The following AKAP7 variants were observed in gnomAD, a reference collection of about 807,000 sequenced individuals.
The protein encoded by AKAP7 is A-kinase anchoring protein 7.
AKAP7 carries 39 observed loss-of-function variants against 39.5 expected under a neutral mutation model. The ratio of observed to expected loss-of-function variants is 0.99; its 90% CI spans 0.76 to 1.29. The LOEUF (loss-of-function observed/expected upper bound fraction) is 1.29, where lower values mean the gene tolerates loss of function less well. AKAP7 is among the 50% of genes most tolerant of loss of function. AKAP7 has a pLI of 0.00. For synonymous variants in AKAP7, 140 were observed against 139.1 expected (o/e 1.01, Z -0.05); for missense variants, 414 against 407.7 (o/e 1.02, Z -0.13).
At chr6:131,153,670 G>A (rs549313491) in intron 2 of AKAP7, among the ~76,000 whole-genome samples, 1 of 152,210 alleles carries the variant, frequency 6.6e-6, no homozygotes, top group African/African-American at 2.4e-5. Context: ...AGTGTCAGTG[G>A]TCTTTGAAAT....
At chr6:131,155,300 C>A in intron 2 of AKAP7, among the ~76,000 whole-genome samples, 1 of 152,188 alleles carries the variant, frequency 6.6e-6, no homozygotes, top group Non-Finnish European at 1.5e-5. Flanking sequence ...AGGCATGAGC[C>A]ACTGTGCCTG....
chr6:131,173,958 G>A (rs1432191175), intron 5 of AKAP7, among the ~76,000 whole-genome samples: 2 of 152,176 alleles, frequency 1.3e-5, no homozygotes, highest in Non-Finnish European at 2.9e-5. Flanking sequence ...GTGTGCTGAG[G>A]AATGTGAAGT....
chr6:131,206,374 T>C (rs1304964517), intron 6 of AKAP7, among the ~76,000 whole-genome samples: 1 of 152,182 alleles, frequency 6.6e-6, no homozygotes, highest in African/African-American at 2.4e-5. Flanking sequence ...TTGAAAATTA[T>C]TAGCGACTTT....
At chr6:131,184,844 A>G in intron 5 of AKAP7, 1 of 1,472,248 alleles carries the variant, frequency 6.8e-7, no homozygotes, top group Non-Finnish European at 9.5e-7. Context: ...CGGTTCTTGT[A>G]ACGTTTTCCA....
At chr6:131,137,137 ATT>A (rs113626298) in intron 1 of AKAP7, among the ~76,000 whole-genome samples, 10 of 144,994 alleles carry the variant, frequency 6.9e-5, no homozygotes, top group Non-Finnish European at 1.1e-4. Context: ...TAATTTTTGT[ATT>A]TTTTTTTTTG....
At chr6:131,226,281 A>G (rs1340696132) in intron 7 of AKAP7, among the ~76,000 whole-genome samples, 2 of 152,178 alleles carry the variant, frequency 1.3e-5, no homozygotes, top group South Asian at 2.1e-4. Context: ...ATCTTCTGCC[A>G]TTGTATACCT....
intron 2 of AKAP7, among the ~76,000 whole-genome samples, chr6:131,148,344 A>G (rs73633165): frequency 0.018 from 2,817 of 152,320 alleles, 100 homozygotes; most frequent in African/African-American, 0.064. Flanking sequence ...AGATGGATTG[A>G]AAATTCCAGG....
chr6:131,167,775 G>A (rs978819781), intron 4 of AKAP7, among the ~76,000 whole-genome samples: 1 of 152,098 alleles, frequency 6.6e-6, no homozygotes, highest in Admixed American at 6.6e-5. Context: ...AAATGAGACT[G>A]AGTATAGAAG....
intron 7 of AKAP7, among the ~76,000 whole-genome samples, chr6:131,280,184 T>TTCTA (rs1815090069): frequency 6.6e-6 from 1 of 152,206 alleles, no homozygotes; most frequent in African/African-American, 2.4e-5. Context: ...ACTGCAGATG[T>TTCTA]TCTATCTTGG....
chr6:131,242,681 CATGGGCCT>C (rs1811717126), intron 7 of AKAP7, among the ~76,000 whole-genome samples: 3 of 152,108 alleles, frequency 2.0e-5, no homozygotes, highest in Non-Finnish European at 2.9e-5. Context: ...CCTCAGGCCA[CATGGGCCT>C]GACTTTTGCC....
chr6:131,148,632 A>G (rs1436748742), intron 2 of AKAP7, among the ~76,000 whole-genome samples: 1 of 152,234 alleles, frequency 6.6e-6, no homozygotes, highest in Non-Finnish European at 1.5e-5. Context: ...CAGTTTTATA[A>G]TAGCATTTAC....
intron 7 of AKAP7, among the ~76,000 whole-genome samples, chr6:131,247,535 T>A (rs1319226508): frequency 6.6e-6 from 1 of 151,400 alleles, no homozygotes; most frequent in Non-Finnish European, 1.5e-5. Context: ...TATGTTAGGC[T>A]GGTCTTGAAC....
At chr6:131,210,768 T>A (rs1229939554) in intron 6 of AKAP7, among the ~76,000 whole-genome samples, 1 of 152,228 alleles carries the variant, frequency 6.6e-6, no homozygotes, top group Non-Finnish European at 1.5e-5. Flanking sequence ...CCTGGGAGAA[T>A]GTTCCTTGTG....
intron 7 of AKAP7, among the ~76,000 whole-genome samples, chr6:131,279,929 ATG>A (rs530938181): frequency 6.6e-6 from 1 of 152,174 alleles, no homozygotes; most frequent in Non-Finnish European, 1.5e-5. Flanking sequence ...GCATTTGGAG[ATG>A]TTGTCTGTAG....
At chr6:131,165,858 G>A (rs528838330) in intron 4 of AKAP7, among the ~76,000 whole-genome samples, 2 of 151,984 alleles carry the variant, frequency 1.3e-5, no homozygotes, top group South Asian at 2.1e-4. Flanking sequence ...ATTCTTATCC[G>A]TACTTAGATT....
At chr6:131,192,865 G>A (rs924980217) in intron 5 of AKAP7, among the ~76,000 whole-genome samples, 1 of 151,934 alleles carries the variant, frequency 6.6e-6, no homozygotes, top group African/African-American at 2.4e-5. Context: ...TTACTTTTTG[G>A]ATTTCTTTTT....
At chr6:131,234,899 T>C (rs1365787746) in intron 7 of AKAP7, among the ~76,000 whole-genome samples, 1 of 151,756 alleles carries the variant, frequency 6.6e-6, no homozygotes, top group Admixed American at 6.6e-5. Context: ...TTTATTTTTT[T>C]ATTATTATTT....
intron 1 of AKAP7, 109 bp downstream of exon 1, chr6:131,135,891 T>C (rs1044394800): frequency 8.7e-7 from 1 of 1,144,556 alleles, no homozygotes; most frequent in Non-Finnish European, 1.1e-6. Context: ...CCGGCCCTTC[T>C]CCGAGTCTCC....
chr6:131,170,652 C>A (rs1803962098), intron 5 of AKAP7, among the ~76,000 whole-genome samples: 1 of 152,032 alleles, frequency 6.6e-6, no homozygotes, highest in Admixed American at 6.6e-5. Flanking sequence ...TAATAATTGC[C>A]CATTTAAAAG....
Sources: allele counts gnomAD v4.1 joint callset (sites outside exome capture counted in the v4.1 genomes callset), GRCh38; gene constraint gnomAD v4.1.1; transcripts MANE v1.5; gene names NCBI Gene and HGNC (gene_info 2026-07-23, HGNC 2026-07-21).